The following NECAB2 variants were observed in gnomAD, a reference collection of about 807,000 sequenced individuals.
The protein encoded by NECAB2 is N-terminal EF-hand calcium-binding protein 2.
Under a neutral mutation model 51.9 loss-of-function variants are expected in NECAB2, and 68 were observed. The ratio of observed to expected loss-of-function variants is 1.31; its 90% CI spans 1.08 to 1.60. NECAB2 has a LOEUF of 1.60. NECAB2 is among the 40% of genes most tolerant of loss of function. NECAB2 has a pLI of 0.00. For missense variants in NECAB2, 854 were observed against 490.3 expected, an observed-to-expected ratio of 1.74 and a Z score of -7.00; for synonymous variants, 329 against 203.5, an observed-to-expected ratio of 1.62 and a Z score of -5.25.
Position 84,002,460 on chromosome 16 carries a change from C to A in NECAB2, c.*114C>A, listed in dbSNP as rs1051013892. The A allele has an allele frequency of 3.6e-6, 5 of 1,375,896 alleles. No individual in the cohort carries two copies. Among genetic ancestry groups the A allele is most frequent in the Non-Finnish European group, 5.1e-6 (5 of 973,752 alleles). The allele number at this position is 1,375,896 out of a possible 1,614,324, so 85.2% of individuals were successfully genotyped here. On this transcript the variant is annotated 3_prime_UTR_variant, in exon 13 of 13. Coordinates refer to ENST00000305202, the MANE Select transcript of NECAB2 (RefSeq NM_019065.3). The stretch of plus-strand genomic sequence containing the variant: ...AGAAGCTTCTTTTCAATCCATCCTC[C>A]ACAAGAAGGTGTTTCCCTGTTGTTA...
Position 83,968,791 on chromosome 16 carries a change from C to T in NECAB2, c.143C>T (p.Ala48Val). ...GAGCCCCGGGAGTCGCTGGCCCCCG[C>T]CGCCCCCGCGGACCCCGGCCCAGCC... ...MGEPRESLAP[A>V]APADPGPASP... Residue 48 changes from alanine (A) to valine (V), a missense_variant, in exon 1 of 13, where the codon GCC becomes GTC. Physicochemically the swap from Ala to Val is moderately conservative, Grantham distance 64. Transcript: ENST00000305202. 1 of 1,118,610 alleles carries T rather than the reference C, an allele frequency of 8.9e-7. No homozygotes were observed. 69.3% of individuals were successfully genotyped at this position (1,118,610 alleles called of 1,614,324 possible). A position where few individuals can be genotyped will look rare whatever the true frequency, so the allele number is the denominator to read the frequency against.
At chr16:83,966,240 G>C (rs371688565), upstream of NECAB2, 15 of 547,808 alleles carry the variant, frequency 2.7e-5, no homozygotes, top group East Asian at 2.4e-4. Context: ...TGTGGGGAAA[G>C]CTGCTGGTGT....
At position 83,997,136 on chromosome 16, in the gene NECAB2, C is replaced by T. The variant is rs778413012; in HGVS notation, c.796-80C>T. 1.5e-4 allele frequency: 237 copies of T among 1,580,138 alleles called. 1 individual carries two copies. Among genetic ancestry groups the T allele is most frequent in the Non-Finnish European group, 1.9e-4 (221 of 1,152,826 alleles). On this transcript the variant is annotated intron_variant, in intron 8 of 12. Transcript: ENST00000305202. ...GGGTCCTTGGGAGCTCCCAACAGCCCCAGGGATCCCAGAGCTCCTGGCTCC... is the reference window on the plus strand; with the variant it reads ...GGGTCCTTGGGAGCTCCCAACAGCCTCAGGGATCCCAGAGCTCCTGGCTCC...
chr16:84,002,495 G>C lies in NECAB2; in HGVS notation c.*149G>C. ...TGTTTCCCTGTTGTTAAGTGAAGGA[G>C]GCCGCCCCTGCCCCCACCTGAGAAG... On this transcript the variant is annotated 3_prime_UTR_variant, in exon 13 of 13. Coordinates refer to ENST00000305202, the MANE Select transcript of NECAB2 (RefSeq NM_019065.3). 9.7e-7 allele frequency: 1 copy of C among 1,028,576 alleles called. No homozygotes were observed. Among genetic ancestry groups the C allele is most frequent in the Non-Finnish European group, 1.5e-6 (1 of 685,794 alleles). The allele number at this position is 1,028,576 out of a possible 1,614,324, so 63.7% of individuals were successfully genotyped here.
At chr16:84,000,478 ATC>A (rs2084807725) in intron 10 of NECAB2, among the ~76,000 whole-genome samples, 1 of 151,982 alleles carries the variant, frequency 6.6e-6, no homozygotes, top group East Asian at 1.9e-4. Context: ...GTGAGACCCT[ATC>A]TCAAAAGAAA....
chr16:83,980,948 G>T (rs2084479507), intron 4 of NECAB2, 82 bp from the exon 5 acceptor site: 2 of 1,606,768 alleles, frequency 1.2e-6, no homozygotes, highest in Admixed American at 3.3e-5. Flanking sequence ...GGAGGCTGGA[G>T]GTAGCGCAGG....
intron 2 of NECAB2, 28 bp from the exon 3 acceptor site, chr16:83,978,416 G>C: frequency 6.3e-7 from 1 of 1,597,138 alleles, no homozygotes; most frequent in Non-Finnish European, 8.6e-7. Flanking sequence ...GCAGACACCA[G>C]CTCCTTTCTC....
chr16:83,984,065 A>G (rs945436727), intron 5 of NECAB2, among the ~76,000 whole-genome samples: 8 of 141,098 alleles, frequency 5.7e-5, no homozygotes, highest in African/African-American at 1.1e-4. Flanking sequence ...GCACAGTCCC[A>G]GCTCACTGCC....
At chr16:83,987,993 T>C (rs982995884) in intron 5 of NECAB2, among the ~76,000 whole-genome samples, 1 of 152,246 alleles carries the variant, frequency 6.6e-6, no homozygotes, top group Non-Finnish European at 1.5e-5. Flanking sequence ...CCTACCTTTC[T>C]TGGGCAGTAC....
intron 6 of NECAB2, 45 bp downstream of exon 6, chr16:83,990,675 C>G (rs773624472): frequency 1.9e-6 from 3 of 1,602,756 alleles, no homozygotes; most frequent in African/African-American, 1.3e-5. Context: ...GTATGCCGTG[C>G]ACGCGCACGT....
chr16:83,970,813 C>A (rs1370237042), intron 1 of NECAB2, among the ~76,000 whole-genome samples: 1 of 152,122 alleles, frequency 6.6e-6, no homozygotes, highest in Non-Finnish European at 1.5e-5. Flanking sequence ...TGCTGGTGGG[C>A]AGGGCGCCGT....
At chr16:83,987,572 G>T (rs1422104676) in intron 5 of NECAB2, among the ~76,000 whole-genome samples, 1 of 151,862 alleles carries the variant, frequency 6.6e-6, no homozygotes, top group Non-Finnish European at 1.5e-5. Context: ...TTTATAATCT[G>T]TGTTCAAAAA....
chr16:83,990,937 A>C (rs138289617), intron 6 of NECAB2, among the ~76,000 whole-genome samples: 163 of 152,230 alleles, frequency 1.1e-3, no homozygotes, highest in African/African-American at 3.7e-3. Flanking sequence ...CCACATGCTA[A>C]TTGTTTATGC....
chr16:83,965,508 T>C, upstream of NECAB2: 1 of 1,612,042 alleles, frequency 6.2e-7, no homozygotes, highest in Non-Finnish European at 8.5e-7. Flanking sequence ...ATCCCGGTGA[T>C]CCATGCCTTC....
chr16:83,975,338 G>T (rs1223695656), intron 2 of NECAB2, among the ~76,000 whole-genome samples: 5 of 151,766 alleles, frequency 3.3e-5, no homozygotes, highest in Admixed American at 1.3e-4. Context: ...GTGCGGGGAT[G>T]GGAACAGGTG....
intron 5 of NECAB2, among the ~76,000 whole-genome samples, chr16:83,988,237 T>G (rs1403770391): frequency 2.0e-5 from 3 of 152,216 alleles, no homozygotes; most frequent in Non-Finnish European, 4.4e-5. Context: ...TTGTGTTTTA[T>G]TCTTCCCTTT....
intron 1 of NECAB2, 84 bp downstream of exon 1, chr16:83,968,933 C>T (rs1192251777): frequency 5.5e-6 from 5 of 902,748 alleles, no homozygotes; most frequent in Non-Finnish European, 6.8e-6. Flanking sequence ...ACCCCGACGC[C>T]GCGACCCGCG....
At chr16:83,998,077 G>A in intron 9 of NECAB2, 128 bp from the exon 10 acceptor site, 1 of 791,474 alleles carries the variant, frequency 1.3e-6, no homozygotes. Flanking sequence ...CCATTCATGG[G>A]TAAGAATGAA....
At chr16:83,996,417 T>C (rs1474664857) in intron 8 of NECAB2, among the ~76,000 whole-genome samples, 1 of 152,150 alleles carries the variant, frequency 6.6e-6, no homozygotes, top group East Asian at 1.9e-4. Flanking sequence ...GTCACGGTGG[T>C]GACTACACAG....
Sources: allele counts gnomAD v4.1 joint callset (sites outside exome capture counted in the v4.1 genomes callset), GRCh38; gene constraint gnomAD v4.1.1; transcripts MANE v1.5; gene names NCBI Gene and HGNC (gene_info 2026-07-23, HGNC 2026-07-21).